Variants in RFX3 observed in about 807,000 individuals in gnomAD.
RFX3 encodes regulatory factor X3, also known as transcription factor RFX3.
In RFX3, 14 loss-of-function variants were observed where a neutral mutation model predicts 98.6. The ratio of observed to expected loss-of-function variants is 0.14; its 90% CI spans 0.09 to 0.22. The LOEUF is 0.22. RFX3 is among the 10% of genes least tolerant of loss of function. The pLI is 1.00. For missense variants in RFX3, 639 were observed against 926.9 expected (o/e 0.69, Z 4.03); for synonymous variants, 383 against 328.4 (o/e 1.17, Z -1.80).
At chr9:3,303,249 C>T (rs1253385578) in intron 4 of RFX3, among the ~76,000 whole-genome samples, 2 of 151,714 alleles carry the variant, frequency 1.3e-5, no homozygotes, top group South Asian at 2.1e-4. Context: ...AATGAACAAA[C>T]ATTTTACCAA....
intron 1 of RFX3, among the ~76,000 whole-genome samples, chr9:3,400,690 C>G (rs1036281498): frequency 2.0e-5 from 3 of 152,184 alleles, no homozygotes; most frequent in Non-Finnish European, 4.4e-5. Context: ...CAATCATATC[C>G]CTTCCACAGA....
chr9:3,469,483 T>C (rs1248939232), intron 1 of RFX3, among the ~76,000 whole-genome samples: 2 of 152,160 alleles, frequency 1.3e-5, no homozygotes, highest in East Asian at 3.9e-4. Flanking sequence ...AATCTCTCAA[T>C]ACTGGGTTCT....
chr9:3,410,718 T>A (rs1169220589), intron 1 of RFX3, among the ~76,000 whole-genome samples: 2 of 152,226 alleles, frequency 1.3e-5, no homozygotes, highest in African/African-American at 4.8e-5. Context: ...TTCCACAACA[T>A]GTACTATTTA....
At chr9:3,317,170 G>T (rs1317120755) in intron 4 of RFX3, among the ~76,000 whole-genome samples, 1 of 152,072 alleles carries the variant, frequency 6.6e-6, no homozygotes, top group African/African-American at 2.4e-5. Flanking sequence ...CCAAAACAGA[G>T]ATATAGACCA....
At chr9:3,329,431 A>AAAC (rs1832333598) in intron 4 of RFX3, among the ~76,000 whole-genome samples, 1 of 150,412 alleles carries the variant, frequency 6.6e-6, no homozygotes, top group African/African-American at 2.5e-5. Context: ...AAAAAAAACA[A>AAAC]AAAACCACCA....
chr9:3,314,955 G>C (rs1830417322), intron 4 of RFX3, among the ~76,000 whole-genome samples: 1 of 152,076 alleles, frequency 6.6e-6, no homozygotes, highest in Admixed American at 6.6e-5. Flanking sequence ...GTCAACATTA[G>C]ACAGATCAAC....
At chr9:3,310,991 A>T (rs1263353084) in intron 4 of RFX3, among the ~76,000 whole-genome samples, 1 of 152,210 alleles carries the variant, frequency 6.6e-6, no homozygotes, top group Non-Finnish European at 1.5e-5. Flanking sequence ...TAAAATGATG[A>T]AGTTACTAGG....
chr9:3,372,550 C>CTTTTT (rs553629010), intron 2 of RFX3, among the ~76,000 whole-genome samples: 2 of 135,662 alleles, frequency 1.5e-5, no homozygotes, highest in African/African-American at 2.6e-5. Flanking sequence ...TTCTTTCTTT[C>CTTTTT]TTTTTTTTTT....
chr9:3,268,777 A>G (rs1386151800), intron 11 of RFX3, among the ~76,000 whole-genome samples: 7 of 151,986 alleles, frequency 4.6e-5, no homozygotes, highest in African/African-American at 1.7e-4. Context: ...TGTTAAACTC[A>G]CAAGTTAAAG....
chr9:3,352,801 T>G (rs907467059), intron 2 of RFX3, among the ~76,000 whole-genome samples: 13 of 152,062 alleles, frequency 8.5e-5, no homozygotes, highest in African/African-American at 3.1e-4. Context: ...TAGAACCATT[T>G]TCCACATTGC....
chr9:3,449,321 T>C (rs192822178), intron 1 of RFX3, among the ~76,000 whole-genome samples: 1 of 152,342 alleles, frequency 6.6e-6, no homozygotes, highest in Admixed American at 6.5e-5. Flanking sequence ...CTCTTGAGGA[T>C]TTCCAGCTAT....
intron 4 of RFX3, among the ~76,000 whole-genome samples, chr9:3,325,741 A>G (rs1277564607): frequency 6.6e-6 from 1 of 152,162 alleles, no homozygotes; most frequent in Non-Finnish European, 1.5e-5. Context: ...GAGCACCAAA[A>G]AAAATCACTA....
At position 3,338,482 on chromosome 9, in the gene RFX3, T is replaced by G. The variant is rs559076958; in HGVS notation, c.216-7965A>C. ...ATCATTTATACCATCCTATGATTAT[T>G]TTGTAAGGATCGGCACATCTTTACT... is the stretch of plus-strand genomic sequence containing the variant. On this transcript the variant is annotated intron_variant, in intron 3 of 16. Transcript: ENST00000617270. Among the ~76,000 whole-genome samples the G allele has an allele frequency of 7.2e-5, 11 of 152,070 alleles. 2 individuals carry two copies. The highest frequency in any genetic ancestry group is 2.7e-4 in the African/African-American group (11 of 41,492).
At chr9:3,346,113 A>C (rs1834417727) in intron 3 of RFX3, among the ~76,000 whole-genome samples, 1 of 152,206 alleles carries the variant, frequency 6.6e-6, no homozygotes, top group Non-Finnish European at 1.5e-5. Context: ...AAGAAGCCCA[A>C]ATAAAATAAA....
chr9:3,240,575 T>A (rs1406545699), intron 15 of RFX3, among the ~76,000 whole-genome samples: 1 of 152,176 alleles, frequency 6.6e-6, no homozygotes, highest in Admixed American at 6.5e-5. Context: ...TCAATCAGGT[T>A]TGAAGTGCTT....
chr9:3,313,205 G>A (rs562108909), intron 4 of RFX3, among the ~76,000 whole-genome samples: 1 of 152,282 alleles, frequency 6.6e-6, no homozygotes, highest in South Asian at 2.1e-4. Flanking sequence ...CTGCCGTTCT[G>A]CAATATTTGC....
rs534080712 is a variant in RFX3 at position 3,368,918 on chromosome 9, T to C, written c.118-22154A>G. On this transcript the variant is annotated intron_variant, in intron 2 of 16. Transcript: ENST00000617270. ...GAGAAAGATAATTTTATTTTGTAAG[T>C]AAGCTCCATAAAGTCAGGAACAATG... Among the ~76,000 whole-genome samples, 30 of 152,376 alleles carry C rather than the reference T, an allele frequency of 2.0e-4. No individual in the cohort carries two copies. In the South Asian group the frequency reaches 5.8e-3, roughly 29 times the overall value.
chr9:3,496,045 C>T (rs1851086356), intron 1 of RFX3, among the ~76,000 whole-genome samples: 1 of 152,004 alleles, frequency 6.6e-6, no homozygotes, highest in Non-Finnish European at 1.5e-5. Context: ...TACTTTACTG[C>T]TTCTAAGCAG....
intron 1 of RFX3, among the ~76,000 whole-genome samples, chr9:3,462,114 G>A (rs978030041): frequency 6.6e-6 from 1 of 151,920 alleles, no homozygotes; most frequent in Non-Finnish European, 1.5e-5. Context: ...AAAGAAAAAA[G>A]TGACAAGCAT....
Sources: allele counts gnomAD v4.1 joint callset (sites outside exome capture counted in the v4.1 genomes callset), GRCh38; gene constraint gnomAD v4.1.1; transcripts MANE v1.5; gene names NCBI Gene and HGNC (gene_info 2026-07-23, HGNC 2026-07-21).